C21orf58: variants seen among roughly 807,000 people sequenced by gnomAD.
C21orf58 encodes the protein uncharacterized protein C21orf58.
Under a neutral mutation model 35.8 loss-of-function variants are expected in C21orf58, and 34 were observed. The ratio of observed to expected loss-of-function variants is 0.95; its 90% CI spans 0.72 to 1.26. C21orf58 has a LOEUF of 1.26. C21orf58 is among the 50% of genes most tolerant of loss of function. The pLI is 0.00. For synonymous variants in C21orf58, 191 were observed against 175.8 expected, an observed-to-expected ratio of 1.09 and a Z score of -0.68; for missense variants, 440 against 414.3, an observed-to-expected ratio of 1.06 and a Z score of -0.54.
At position 46,318,752 on chromosome 21, in the gene C21orf58, G is replaced by A. The variant is rs572042049; in HGVS notation, c.101-532C>T. 49 of 994,536 alleles carry A rather than the reference G, an allele frequency of 4.9e-5. No individual in the cohort carries two copies. The African/African-American group carries it at 7.3e-4, about 15-fold the overall frequency. The allele number at this position is 994,536 out of a possible 1,614,324, so 61.6% of individuals were successfully genotyped here. On this transcript the variant is annotated intron_variant, in intron 1 of 7. Transcript: ENST00000291691. ...CTGCAGAGGGGCTGGGCTTTAGCAG[G>A]ACCAGAGGGGGTGCCCAGGGGATAT...
chr21:46,308,016 CAG>C (rs1441490138), intron 6 of C21orf58, among the ~76,000 whole-genome samples: 4 of 151,896 alleles, frequency 2.6e-5, no homozygotes, highest in African/African-American at 9.7e-5. Flanking sequence ...TTTTTTGAGA[CAG>C]AGTCTCGCTC....
chr21:46,300,646 T>C, downstream of C21orf58: 8 of 1,249,116 alleles, frequency 6.4e-6, no homozygotes, highest in Non-Finnish European at 7.2e-6. Flanking sequence ...TGCCCGTCCA[T>C]GTCAGCACCA....
chr21:46,317,987 A>C (rs2083038923), intron 2 of C21orf58, 25 bp downstream of exon 2: 8 of 1,611,300 alleles, frequency 5.0e-6, no homozygotes, highest in African/African-American at 1.3e-5. Flanking sequence ...TGTTAAAAAC[A>C]GGAGCATCCC....
intron 5 of C21orf58, 63 bp downstream of exon 5, chr21:46,314,653 T>TA: frequency 1.6e-5 from 21 of 1,284,338 alleles, no homozygotes; most frequent in Non-Finnish European, 2.2e-5. Flanking sequence ...CTGCCTTCTG[T>TA]AAAATCTTAA....
intron 6 of C21orf58, among the ~76,000 whole-genome samples, chr21:46,310,787 GC>G (rs1425444818): frequency 6.6e-6 from 1 of 151,534 alleles, no homozygotes; most frequent in Non-Finnish European, 1.5e-5. Context: ...TCCAGCCTGG[GC>G]AACAAAGTAA....
At chr21:46,303,696 AC>A (rs2082228971) in intron 6 of C21orf58, among the ~76,000 whole-genome samples, 1 of 114,370 alleles carries the variant, frequency 8.7e-6, no homozygotes, top group Non-Finnish European at 1.8e-5. Flanking sequence ...ACACACACAC[AC>A]ACACACACAA....
intron 3 of C21orf58, 41 bp from the exon 4 acceptor site, chr21:46,315,588 A>G: frequency 7.4e-7 from 1 of 1,353,926 alleles, no homozygotes. Flanking sequence ...GAACGCGTAG[A>G]GGCTGTCGCT....
chr21:46,318,629 TG>T, intron 1 of C21orf58: 1 of 1,094,494 alleles, frequency 9.1e-7, no homozygotes, highest in Non-Finnish European at 1.1e-6. Context: ...GAAGACAGGG[TG>T]GGGAGACACT....
At chr21:46,317,332 A>T in intron 2 of C21orf58, 64 bp from the exon 3 acceptor site, 1 of 1,578,354 alleles carries the variant, frequency 6.3e-7, no homozygotes, top group Non-Finnish European at 8.6e-7. Context: ...GTGCTCCAGG[A>T]ATGACTAAGA....
chr21:46,318,339 C>T, intron 1 of C21orf58, 119 bp from the exon 2 acceptor site: 1 of 1,488,488 alleles, frequency 6.7e-7, no homozygotes, highest in Non-Finnish European at 8.9e-7. Flanking sequence ...CAGGGAGGCC[C>T]CAGGTTGCCA....
intron 1 of C21orf58, chr21:46,318,496 C>A: frequency 3.8e-5 from 51 of 1,343,372 alleles, no homozygotes; most frequent in Non-Finnish European, 4.7e-5. Context: ...TCGTGACCCC[C>A]TATGCACCAC....
intron 6 of C21orf58, among the ~76,000 whole-genome samples, chr21:46,303,740 TATA>T (rs1487694193): frequency 4.8e-4 from 10 of 20,716 alleles, no homozygotes; most frequent in African/African-American, 2.0e-3. Context: ...TATATATATA[TATA>T]TATTTTTTTT....
chr21:46,301,187 G>T lies in C21orf58; in HGVS notation c.*812C>A, dbSNP rs1345869535. ...GACAGGGGCCTGCTCTGTGGTCCAG[G>T]CTATAGTGCAGTGGTTCCATCAGAG... On this transcript the variant is annotated 3_prime_UTR_variant, in exon 8 of 8. Coordinates refer to ENST00000291691, the MANE Select transcript of C21orf58 (RefSeq NM_058180.5). The T allele has an allele frequency of 3.1e-6, 2 of 640,026 alleles. No homozygotes were observed. Among genetic ancestry groups the T allele is most frequent in the Non-Finnish European group, 3.9e-6 (2 of 512,926 alleles). The allele number at this position is 640,026 out of a possible 1,614,324, so 39.6% of individuals were successfully genotyped here.
At chr21:46,320,577 T>C (rs186674970) in intron 1 of C21orf58, 88 of 143,720 alleles carry the variant, frequency 6.1e-4, no homozygotes, top group African/African-American at 2.2e-3. Flanking sequence ...TCCTCATCAG[T>C]AGATACTGCA....
Position 46,323,110 on chromosome 21 carries a change from C to A in C21orf58, c.-372G>T. The stretch of plus-strand genomic sequence containing the variant: ...TGTCTTGGTTTTTTGCCACTTCGCT[C>A]CAGTTAGTTTCCCAAGTTCCACCTA... On this transcript the variant is annotated 5_prime_UTR_variant, in exon 1 of 8. Transcript: ENST00000291691. The A allele has an allele frequency of 6.3e-6, 1 of 158,488 alleles. No individual in the cohort carries two copies. The highest frequency in any genetic ancestry group is 1.4e-5 in the Non-Finnish European group (1 of 72,250). 9.8% of individuals were successfully genotyped at this position (158,488 alleles called of 1,614,324 possible).
In C21orf58 at chr21:46,305,323, T is replaced by TA. The variant is rs907864417; in HGVS notation, c.722-2748dup. Among the ~76,000 whole-genome samples the TA allele has an allele frequency of 2.7e-5, 4 of 149,174 alleles. No individual in the cohort carries two copies. In the East Asian group the frequency reaches 7.8e-4, roughly 29 times the overall value. On this transcript the variant is annotated intron_variant, in intron 6 of 7. Transcript: ENST00000291691. ...GTTTTTTTTTTTTTTAATCACAAAT[T>TA]AATCTTTTTTTTTTTTTTTTTTTTG...
In C21orf58 at chr21:46,323,404, T is replaced by TC. The variant is rs2083242708; in HGVS notation, c.-667_-666insG. On this transcript the variant is annotated 5_prime_UTR_variant, in exon 1 of 8. Transcript: ENST00000291691. ...AAAAACCTTTTCTTTTCTTTTTTTTTTGAGACCTAAGACATCAGTGAGACA... is the reference window on the plus strand; with the variant it reads ...AAAAACCTTTTCTTTTCTTTTTTTTTCTGAGACCTAAGACATCAGTGAGACA... The TC allele has an allele frequency of 6.6e-6, 1 of 152,126 alleles. No homozygotes were observed. Among genetic ancestry groups the TC allele is most frequent in the Non-Finnish European group, 1.5e-5 (1 of 68,016 alleles). The allele number at this position is 152,126 out of a possible 1,614,324, so 9.4% of individuals were successfully genotyped here. A position where few individuals can be genotyped will look rare whatever the true frequency, so the allele number is the denominator to read the frequency against.
chr21:46,322,845 G>A lies in C21orf58; in HGVS notation c.-107C>T. On this transcript the variant is annotated 5_prime_UTR_variant, in exon 1 of 8. Transcript: ENST00000291691. The stretch of plus-strand genomic sequence containing the variant: ...GGCGCGTTTAAGTTGCAGTTGCTGA[G>A]GAGGCTGCAAGGTGAGCTTGCGTCA... 4.0e-6 allele frequency: 3 copies of A among 743,082 alleles called. No homozygotes were observed. Among genetic ancestry groups the A allele is most frequent in the Non-Finnish European group, 6.1e-6 (3 of 495,776 alleles). 46.0% of individuals were successfully genotyped at this position (743,082 alleles called of 1,614,324 possible). A position where few individuals can be genotyped will look rare whatever the true frequency, so the allele number is the denominator to read the frequency against.
At chr21:46,322,593 C>T (rs781384407) in intron 1 of C21orf58, 46 bp downstream of exon 1, 1 of 1,446,216 alleles carries the variant, frequency 6.9e-7, no homozygotes, top group Non-Finnish European at 9.2e-7. Context: ...TCAAACCACC[C>T]AATTCCGAGT....
Sources: gnomAD v4.1 joint callset for allele counts (sites outside exome capture counted in the v4.1 genomes callset) on GRCh38, gnomAD v4.1.1 for gene constraint, MANE v1.5 for transcripts, NCBI Gene and HGNC (gene_info 2026-07-23, HGNC 2026-07-21) for gene names.